Variants in OPCML observed in about 807,000 individuals in gnomAD.
OPCML encodes the protein opioid binding protein/cell adhesion molecule like.
OPCML carries 13 observed loss-of-function variants against 37.8 expected under a neutral mutation model. The observed-to-expected ratio is 0.34, with a 90% CI of 0.22 to 0.55. The LOEUF (loss-of-function observed/expected upper bound fraction) is 0.55. Among genes scored for constraint, OPCML ranks in the 20% least tolerant of loss-of-function variants. The pLI is 0.91. For missense variants in OPCML, 341 were observed against 435.6 expected, an observed-to-expected ratio of 0.78 and a Z score of 1.93; for synonymous variants, 176 against 168.8, an observed-to-expected ratio of 1.04 and a Z score of -0.33.
intron 1 of OPCML, among the ~76,000 whole-genome samples, chr11:133,386,879 C>T (rs1041264533): frequency 3.3e-5 from 5 of 152,110 alleles, no homozygotes; most frequent in Admixed American, 2.0e-4. Flanking sequence ...TAGGGGTGTC[C>T]GTGAGGGCAG....
At chr11:132,693,154 T>G (rs932662542) in intron 2 of OPCML, among the ~76,000 whole-genome samples, 3 of 152,196 alleles carry the variant, frequency 2.0e-5, no homozygotes, top group African/African-American at 7.2e-5. Context: ...CTGGATAAAC[T>G]CTATCTTAAT....
At chr11:133,226,016 G>A (rs955155449) in intron 1 of OPCML, among the ~76,000 whole-genome samples, 1 of 152,234 alleles carries the variant, frequency 6.6e-6, no homozygotes, top group Non-Finnish European at 1.5e-5. Context: ...TGTACAGAGA[G>A]GCTAAGTTAC....
At chr11:132,999,770 G>C (rs541996402) in intron 1 of OPCML, among the ~76,000 whole-genome samples, 1 of 152,118 alleles carries the variant, frequency 6.6e-6, no homozygotes, top group Non-Finnish European at 1.5e-5. Flanking sequence ...AAAGAGCTAC[G>C]AGACAGCAAA....
chr11:133,299,422 C>T (rs1040392091), intron 1 of OPCML: 2 of 152,222 alleles, frequency 1.3e-5, no homozygotes, highest in Non-Finnish European at 2.9e-5. Context: ...TGAACATCAC[C>T]TTGCTTATTA....
intron 3 of OPCML, among the ~76,000 whole-genome samples, chr11:132,562,645 G>A (rs1239317727): frequency 1.3e-5 from 2 of 151,978 alleles, no homozygotes; most frequent in African/African-American, 4.8e-5. Context: ...GGATATATGA[G>A]GGAGAAATAA....
intron 1 of OPCML, among the ~76,000 whole-genome samples, chr11:133,389,837 T>C (rs1012563807): frequency 1.3e-5 from 2 of 152,190 alleles, no homozygotes; most frequent in African/African-American, 4.8e-5. Context: ...TGGGTAAATA[T>C]ACAATAATAA....
At chr11:132,919,773 C>G (rs1264881850) in intron 2 of OPCML, among the ~76,000 whole-genome samples, 1 of 152,202 alleles carries the variant, frequency 6.6e-6, no homozygotes, top group Admixed American at 6.5e-5. Flanking sequence ...TGTTCATCTC[C>G]ACCCACAGTG....
intron 1 of OPCML, among the ~76,000 whole-genome samples, chr11:133,471,231 C>A (rs1459692897): frequency 6.6e-6 from 1 of 152,146 alleles, no homozygotes; most frequent in Non-Finnish European, 1.5e-5. Context: ...AGAGAAGTTG[C>A]ACTGAAGTCA....
chr11:133,327,420 C>T (rs1197903091), intron 1 of OPCML, among the ~76,000 whole-genome samples: 1 of 151,832 alleles, frequency 6.6e-6, no homozygotes, highest in Non-Finnish European at 1.5e-5. Context: ...CTTATATATC[C>T]ATCTGGAGTG....
chr11:132,517,700 C>T (rs1326048827), intron 4 of OPCML, among the ~76,000 whole-genome samples: 2 of 152,138 alleles, frequency 1.3e-5, no homozygotes, highest in Non-Finnish European at 2.9e-5. Flanking sequence ...ATACAGCAGG[C>T]AGCAATGGGT....
chr11:133,448,901 C>G (rs897327329), intron 1 of OPCML, among the ~76,000 whole-genome samples: 7 of 152,320 alleles, frequency 4.6e-5, no homozygotes, highest in African/African-American at 1.7e-4. Context: ...TGGTTTATCT[C>G]TACTGCCAAA....
At position 132,724,092 on chromosome 11, in the gene OPCML, T is replaced by G. The variant is rs965440495; in HGVS notation, c.147-66773A>C. On this transcript the variant is annotated intron_variant, in intron 2 of 7. Transcript: ENST00000524381. ...GCATAGGGAAATTGTGGGTCATTAC[T>G]CAAGACCACACTAGCACAAGGGCAT... Among the ~76,000 whole-genome samples, 30 of 152,068 alleles carry G rather than the reference T, an allele frequency of 2.0e-4. 1 individual carries two copies. Among genetic ancestry groups the G allele is most frequent in the Admixed American group, 1.8e-3 (27 of 15,262 alleles).
intron 2 of OPCML, among the ~76,000 whole-genome samples, chr11:132,701,387 C>A (rs547348819): frequency 6.6e-6 from 1 of 152,314 alleles, no homozygotes; most frequent in South Asian, 2.1e-4. Context: ...ACAGCCAAAC[C>A]ATATCAATGA....
intron 2 of OPCML, among the ~76,000 whole-genome samples, chr11:132,862,484 A>G (rs1040537507): frequency 2.1e-5 from 3 of 141,390 alleles, no homozygotes; most frequent in African/African-American, 7.5e-5. Flanking sequence ...ATCTATACGA[A>G]AAAAAAAAAA....
chr11:133,205,394 C>T lies in OPCML; in HGVS notation c.62-262384G>A, dbSNP rs1178591953. Among the ~76,000 whole-genome samples, 1 of 152,090 alleles carries T rather than the reference C, an allele frequency of 6.6e-6. No individual in the cohort carries two copies. Among genetic ancestry groups the T allele is most frequent in the Non-Finnish European group, 1.5e-5 (1 of 68,022 alleles). On this transcript the variant is annotated intron_variant, in intron 1 of 7. Coordinates refer to ENST00000524381, the MANE Select transcript of OPCML (RefSeq NM_001012393.5). This position sits in a 1 kb window ranked among gnomAD's most constrained non-coding sequence, Gnocchi z 4.8. ...CAGGCAAGTGTATGTAAAGTGTTTC[C>T]CTGAGTTCTGTGATCCACTCTAGTA...
chr11:132,973,063 T>A (rs143265354), intron 1 of OPCML, among the ~76,000 whole-genome samples: 239 of 152,254 alleles, frequency 1.6e-3, no homozygotes, highest in African/African-American at 5.4e-3. Flanking sequence ...GACAGTTTTG[T>A]GTTGTTTGTT....
chr11:133,402,769 G>A (rs773676223), intron 1 of OPCML, among the ~76,000 whole-genome samples: 3 of 152,086 alleles, frequency 2.0e-5, no homozygotes, highest in African/African-American at 7.2e-5. Flanking sequence ...CTGCTGACTA[G>A]ACTGACCGTA....
At chr11:132,983,795 C>CAACACA (rs1946636719) in intron 1 of OPCML, among the ~76,000 whole-genome samples, 1 of 152,172 alleles carries the variant, frequency 6.6e-6, no homozygotes, top group Non-Finnish European at 1.5e-5. Context: ...CCACATATGG[C>CAACACA]TATGTGTTCT....
At chr11:132,842,475 G>A (rs1004468043) in intron 2 of OPCML, among the ~76,000 whole-genome samples, 2 of 152,216 alleles carry the variant, frequency 1.3e-5, no homozygotes, top group East Asian at 1.9e-4. Context: ...AAGAACTGAA[G>A]CCATTTGCCT....
Sources: gnomAD v4.1 joint callset for allele counts (sites outside exome capture counted in the v4.1 genomes callset) on GRCh38, gnomAD v4.1.1 for gene constraint, Gnocchi (gnomAD v3.1) non-coding constraint, MANE v1.5 for transcripts, NCBI Gene and HGNC (gene_info 2026-07-23, HGNC 2026-07-21) for gene names.